Variants in HIVEP3 observed in about 807,000 individuals in gnomAD.
HIVEP3 encodes the protein transcription factor HIVEP3.
In HIVEP3, 49 loss-of-function variants were observed where a neutral mutation model predicts 152.8. The ratio of observed to expected loss-of-function variants is 0.32; its 90% confidence interval spans 0.26 to 0.41. The LOEUF (loss-of-function observed/expected upper bound fraction) is 0.41. HIVEP3 is among the 10% of genes least tolerant of loss of function. The pLI, the probability that HIVEP3 is intolerant of heterozygous loss-of-function variation, is 1.00. For synonymous variants in HIVEP3, 1,269 were observed against 1,289.0 expected (o/e 0.98, Z 0.33); for missense variants, 2,790 against 3,103.3 (o/e 0.90, Z 2.40).
chr1:41,969,634 G>C (rs1474732634), intron 1 of HIVEP3, among the ~76,000 whole-genome samples: 1 of 152,108 alleles, frequency 6.6e-6, no homozygotes, highest in Non-Finnish European at 1.5e-5. Flanking sequence ...ATACCATTCA[G>C]GACACAGGCA....
chr1:41,599,746 T>G lies in HIVEP3; in HGVS notation c.-521-14428A>C, dbSNP rs569314964. Among the ~76,000 whole-genome samples, 5 of 152,252 alleles carry G rather than the reference T, an allele frequency of 3.3e-5. 1 individual carries two copies. The highest frequency in any genetic ancestry group is 1.2e-4 in the African/African-American group (5 of 41,550). On this transcript the variant is annotated intron_variant, in intron 3 of 8. Coordinates refer to ENST00000372583, the MANE Select transcript of HIVEP3 (RefSeq NM_024503.5). ...TAGATAAATTGCCTACATCAAAATT[T>G]AAAATCTTCTATGCGTGAAAGGACA...
intron 2 of HIVEP3, among the ~76,000 whole-genome samples, chr1:41,644,984 C>T (rs116538101): frequency 3.4e-3 from 522 of 152,296 alleles, no homozygotes; most frequent in Middle Eastern, 6.8e-3. Context: ...AACACTCTGA[C>T]GCATGGGTAC....
intron 1 of HIVEP3, among the ~76,000 whole-genome samples, chr1:41,866,729 G>A (rs1320247518): frequency 1.3e-5 from 2 of 152,182 alleles, no homozygotes; most frequent in Non-Finnish European, 2.9e-5. Flanking sequence ...CCGACCATCA[G>A]GCACTCAAAG....
intron 1 of HIVEP3, among the ~76,000 whole-genome samples, chr1:41,859,975 G>A (rs1213104750): frequency 6.6e-6 from 1 of 152,222 alleles, no homozygotes; most frequent in African/African-American, 2.4e-5. Flanking sequence ...TCTGTGCCTT[G>A]TGGACAGCAG....
At chr1:41,829,266 A>G (rs1029254566) in intron 1 of HIVEP3, among the ~76,000 whole-genome samples, 6 of 152,272 alleles carry the variant, frequency 3.9e-5, no homozygotes, top group Non-Finnish European at 7.3e-5. Context: ...ACACACATTT[A>G]TAGAAGTCCA....
intron 3 of HIVEP3, among the ~76,000 whole-genome samples, chr1:41,602,846 GC>G (rs1644766836): frequency 6.6e-6 from 1 of 151,776 alleles, no homozygotes; most frequent in African/African-American, 2.4e-5. Context: ...TTTAATGTAG[GC>G]ATTTATCACA....
chr1:41,648,082 T>C (rs2124004140), intron 2 of HIVEP3, among the ~76,000 whole-genome samples: 1 of 152,368 alleles, frequency 6.6e-6, no homozygotes, highest in East Asian at 1.9e-4. Context: ...TACAGGTTTT[T>C]TCCTTAGAAC....
intron 3 of HIVEP3, among the ~76,000 whole-genome samples, chr1:41,610,158 T>C (rs934080360): frequency 4.6e-5 from 7 of 152,154 alleles, no homozygotes; most frequent in Non-Finnish European, 8.8e-5. Flanking sequence ...TTAAAATCTC[T>C]CTCTCTGTAT....
chr1:41,996,872 T>C (rs1645398701), intron 1 of HIVEP3, among the ~76,000 whole-genome samples: 1 of 152,168 alleles, frequency 6.6e-6, no homozygotes, highest in African/African-American at 2.4e-5. Context: ...GCCACCTGCA[T>C]TCCTCGGCCC....
At chr1:41,942,813 G>A (rs1352716415) in intron 1 of HIVEP3, among the ~76,000 whole-genome samples, 2 of 152,116 alleles carry the variant, frequency 1.3e-5, no homozygotes, top group African/African-American at 4.8e-5. Context: ...AGGAATGTAA[G>A]TGAAAATACA....
At chr1:41,804,179 T>C (rs955096941) in intron 1 of HIVEP3, among the ~76,000 whole-genome samples, 1 of 152,184 alleles carries the variant, frequency 6.6e-6, no homozygotes, top group African/African-American at 2.4e-5. Flanking sequence ...ACTTCGAATG[T>C]CCCCACCTCC....
At chr1:41,548,829 G>A (rs114927441) in intron 5 of HIVEP3, among the ~76,000 whole-genome samples, 3,989 of 152,110 alleles carry the variant, frequency 0.026, 194 homozygotes, top group African/African-American at 0.092. Context: ...GCACCACTGC[G>A]CCCAGCCCTT....
At chr1:42,010,395 A>G (rs1366222483) in intron 1 of HIVEP3, among the ~76,000 whole-genome samples, 1 of 152,130 alleles carries the variant, frequency 6.6e-6, no homozygotes, top group African/African-American at 2.4e-5. Context: ...ACTGTAGATT[A>G]GTATAGGTAG....
chr1:41,545,924 C>G (rs184863244), intron 5 of HIVEP3, among the ~76,000 whole-genome samples: 2 of 152,332 alleles, frequency 1.3e-5, no homozygotes, highest in Admixed American at 1.3e-4. Context: ...AGAAAGCTGA[C>G]AGTTGGAAAA....
intron 3 of HIVEP3, among the ~76,000 whole-genome samples, chr1:41,586,293 C>A (rs1644505905): frequency 6.6e-6 from 1 of 152,238 alleles, no homozygotes; most frequent in South Asian, 2.1e-4. Context: ...CCCTCCTCCC[C>A]AGGAACAGGG....
intron 2 of HIVEP3, among the ~76,000 whole-genome samples, chr1:41,661,438 A>G (rs1229197339): frequency 3.9e-5 from 6 of 152,192 alleles, no homozygotes; most frequent in Admixed American, 6.5e-5. Context: ...CTGGAGTAGA[A>G]GCCGCTCTGG....
chr1:41,900,294 T>G (rs12066717), intron 1 of HIVEP3, among the ~76,000 whole-genome samples: 5,515 of 152,248 alleles, frequency 0.036, 339 homozygotes, highest in African/African-American at 0.13. Context: ...CTAACATAGC[T>G]AACAAAGTGC....
At chr1:41,641,830 T>G (rs1645378272) in intron 2 of HIVEP3, among the ~76,000 whole-genome samples, 1 of 152,094 alleles carries the variant, frequency 6.6e-6, no homozygotes, top group Non-Finnish European at 1.5e-5. Context: ...GGATGCCATT[T>G]TTAGGGTGAG....
At chr1:41,956,830 G>A (rs1266490250) in intron 1 of HIVEP3, among the ~76,000 whole-genome samples, 1 of 152,104 alleles carries the variant, frequency 6.6e-6, no homozygotes, top group Non-Finnish European at 1.5e-5. Context: ...TGGAGGAGAA[G>A]GAGTTGGAAG....
Sources: allele counts gnomAD v4.1 joint callset (sites outside exome capture counted in the v4.1 genomes callset), GRCh38; gene constraint gnomAD v4.1.1; transcripts MANE v1.5; gene names NCBI Gene and HGNC (gene_info 2026-07-23, HGNC 2026-07-21).